Variants in TERB1 observed in about 807,000 individuals in gnomAD.
TERB1 encodes the protein telomere repeat binding bouquet formation protein 1.
TERB1 carries 63 observed loss-of-function variants against 92.3 expected under a neutral mutation model. That is an observed-to-expected ratio of 0.68 (90% CI 0.56 to 0.84). The LOEUF (loss-of-function observed/expected upper bound fraction) is 0.84. TERB1 is among the 40% of genes least tolerant of loss of function. TERB1 has a pLI of 0.00. For missense variants in TERB1, 709 were observed against 843.7 expected (o/e 0.84, Z 1.98); for synonymous variants, 252 against 283.9 (o/e 0.89, Z 1.13).
intron 2 of TERB1, 100 bp from the exon 3 acceptor site, chr16:66,796,930 GACC>G: frequency 3.4e-6 from 2 of 596,214 alleles, no homozygotes; most frequent in Non-Finnish European, 5.8e-6. Flanking sequence ...GAAGCCAAAA[GACC>G]GAGGAACTAC....
chr16:66,769,149 C>T (rs2145115457), intron 14 of TERB1, among the ~76,000 whole-genome samples: 1 of 151,812 alleles, frequency 6.6e-6, no homozygotes, highest in Non-Finnish European at 1.5e-5. Flanking sequence ...AGAAATATGG[C>T]TAACTCTATA....
At chr16:66,793,262 G>A (rs1414947908) in intron 3 of TERB1, among the ~76,000 whole-genome samples, 1 of 135,192 alleles carries the variant, frequency 7.4e-6, no homozygotes, top group Admixed American at 8.6e-5. Flanking sequence ...TTCTCACCCA[G>A]GCAGGAGCGC....
intron 9 of TERB1, among the ~76,000 whole-genome samples, chr16:66,782,149 T>A (rs903347469): frequency 6.6e-6 from 1 of 152,236 alleles, no homozygotes; most frequent in African/African-American, 2.4e-5. Context: ...CATTATTTGT[T>A]GAAAATATCT....
intron 3 of TERB1, among the ~76,000 whole-genome samples, chr16:66,794,443 C>T (rs1687474903): frequency 6.6e-6 from 1 of 152,118 alleles, no homozygotes; most frequent in African/African-American, 2.4e-5. Flanking sequence ...CTTCTGTATG[C>T]CTTTCTCATA....
chr16:66,800,579 T>C (rs1280574837), intron 2 of TERB1, among the ~76,000 whole-genome samples: 2 of 151,540 alleles, frequency 1.3e-5, no homozygotes, highest in African/African-American at 4.8e-5. Flanking sequence ...AATCGAAATA[T>C]TATCCCAGTA....
intron 9 of TERB1, among the ~76,000 whole-genome samples, chr16:66,781,265 C>T (rs376001773): frequency 1.3e-5 from 2 of 152,146 alleles, no homozygotes; most frequent in East Asian, 1.9e-4. Context: ...CTACGTTGCC[C>T]AGTCTGGTCT....
chr16:66,784,184 T>C (rs1009530254), intron 9 of TERB1, among the ~76,000 whole-genome samples: 2 of 152,240 alleles, frequency 1.3e-5, no homozygotes, highest in African/African-American at 4.8e-5. Flanking sequence ...ATCACTTTTA[T>C]TGATTTTTTC....
Position 66,788,205 on chromosome 16 carries a change from A to G in TERB1, c.364T>C (p.Ser122Pro). 3 of 1,504,394 alleles carry G rather than the reference A, an allele frequency of 2.0e-6. No homozygotes were observed. The highest frequency in any genetic ancestry group is 2.7e-6 in the Non-Finnish European group (3 of 1,123,606). The allele number at this position is 1,504,394 out of a possible 1,614,324, so 93.2% of individuals were successfully genotyped here. Residue 122 changes from serine (S) to proline (P), a missense_variant, in exon 6 of 19, where the codon TCT becomes CCT. By Grantham distance (74) the Ser-to-Pro change is moderately conservative (BLOSUM62 -1). Transcript: ENST00000433154. ...NDSNINLKRMSVYVILVLVSN... is the reference protein window; with the variant it reads ...NDSNINLKRMPVYVILVLVSN... ...ACCAGAACCAAAATAACATAAACAG[A>G]CATTCTTTTCAAATTTATGTTTGAA...
At chr16:66,765,920 G>A (rs577188935) in intron 16 of TERB1, among the ~76,000 whole-genome samples, 5 of 122,158 alleles carry the variant, frequency 4.1e-5, no homozygotes, top group South Asian at 2.6e-4. Context: ...GCCGGACTGC[G>A]GACTGCAGTG....
intron 9 of TERB1, among the ~76,000 whole-genome samples, chr16:66,779,821 A>G (rs544990812): frequency 6.6e-6 from 1 of 152,332 alleles, no homozygotes; most frequent in South Asian, 2.1e-4. Context: ...CATCTCATCC[A>G]TCATATTTAC....
At chr16:66,781,491 G>A (rs1276323611) in intron 9 of TERB1, among the ~76,000 whole-genome samples, 1 of 148,660 alleles carries the variant, frequency 6.7e-6, no homozygotes, top group Non-Finnish European at 1.5e-5. Context: ...ATTTATAAGA[G>A]CTGTTTACAA....
At chr16:66,755,807 C>T (rs759074114) in intron 18 of TERB1, among the ~76,000 whole-genome samples, 3 of 152,026 alleles carry the variant, frequency 2.0e-5, no homozygotes, top group Non-Finnish European at 2.9e-5. Context: ...TAAAAAACAG[C>T]TTACGTATCT....
At chr16:66,783,218 T>C (rs540279066) in intron 9 of TERB1, among the ~76,000 whole-genome samples, 2 of 152,218 alleles carry the variant, frequency 1.3e-5, no homozygotes, top group African/African-American at 2.4e-5. Flanking sequence ...GTGTTACTTG[T>C]AGTATTTTGT....
chr16:66,795,136 A>G (rs957132641), intron 3 of TERB1, among the ~76,000 whole-genome samples: 6 of 152,204 alleles, frequency 3.9e-5, no homozygotes, highest in Non-Finnish European at 1.5e-5. Flanking sequence ...ATCACAATCT[A>G]AAGTGTGGAA....
intron 6 of TERB1, 67 bp from the exon 7 acceptor site, chr16:66,786,352 G>C: frequency 9.1e-7 from 1 of 1,104,324 alleles, no homozygotes; most frequent in South Asian, 1.5e-5. Flanking sequence ...ATGAAGAACA[G>C]TTAAGTTTTA....
chr16:66,775,018 G>T, intron 12 of TERB1, 100 bp downstream of exon 12: 1 of 1,274,012 alleles, frequency 7.8e-7, no homozygotes, highest in Non-Finnish European at 1.1e-6. Context: ...TCAAATGTAA[G>T]AAGAATCTGA....
At chr16:66,764,212 G>T (rs186222695) in intron 16 of TERB1, among the ~76,000 whole-genome samples, 1 of 152,164 alleles carries the variant, frequency 6.6e-6, no homozygotes, top group African/African-American at 2.4e-5. Context: ...TTAGTAGTCC[G>T]CAAAATAAAT....
rs1193018082 is a variant in TERB1 at position 66,790,612 on chromosome 16, G to T, written c.254C>A (p.Ala85Asp). The T allele has an allele frequency of 1.3e-6, 2 of 1,543,294 alleles. No individual in the cohort carries two copies. Among genetic ancestry groups the T allele is most frequent in the Non-Finnish European group, 1.8e-6 (2 of 1,141,968 alleles). The part of the protein sequence containing the change: ...VKEAALYTLG[A>D]IAEKNVYCQQ... The stretch of plus-strand genomic sequence containing the variant: ...TATTTTACCATTTTTCTCTGCAATA[G>T]CTCCTAATGTATATAAGGCTGCTTC... The change falls in exon 5 of 19, where the codon GCT (alanine) becomes GAT (aspartate). Residue 85 changes from alanine (A) to aspartate (D), a missense_variant. Coordinates refer to ENST00000433154, the MANE Select transcript of TERB1 (RefSeq NM_001136505.2).
At chr16:66,796,676 A>T in intron 3 of TERB1, 92 bp downstream of exon 3, 7 of 911,724 alleles carry the variant, frequency 7.7e-6, no homozygotes, top group Non-Finnish European at 1.2e-5. Context: ...TGGCTGAATG[A>T]TTCTTTCATT....
Sources: gnomAD v4.1 joint callset for allele counts (sites outside exome capture counted in the v4.1 genomes callset) on GRCh38, gnomAD v4.1.1 for gene constraint, MANE v1.5 for transcripts, NCBI Gene and HGNC (gene_info 2026-07-23, HGNC 2026-07-21) for gene names.